BBS12: variants seen among roughly 807,000 people sequenced by gnomAD.
The protein encoded by BBS12 is chaperonin-containing T-complex member BBS12.
A neutral mutation model predicts 5.6 loss-of-function variants in BBS12; 5 were observed. The observed-to-expected ratio is 0.89, with a 90% CI of 0.46 to 1.86. BBS12 has a LOEUF of 1.86. Ranked by LOEUF, BBS12 falls within the 40% of genes most tolerant of loss-of-function variation. The pLI, the probability that BBS12 is intolerant of heterozygous loss-of-function variation, is 0.01. For missense variants in BBS12, 748 were observed against 830.4 expected (o/e 0.90, Z 1.22); for synonymous variants, 308 against 306.8 (o/e 1.00, Z -0.04).
the BBS12 span, among the ~76,000 whole-genome samples, chr4:122,704,116 C>T: frequency 6.6e-6 from 1 of 152,194 alleles, no homozygotes; most frequent in Non-Finnish European, 1.5e-5. Context: ...TACCAAAGTG[C>T]TGGGATTACA....
the BBS12 span, among the ~76,000 whole-genome samples, chr4:122,714,629 AAT>A: frequency 1.3e-5 from 2 of 151,588 alleles, no homozygotes; most frequent in African/African-American, 4.8e-5. Context: ...AATAAATATA[AAT>A]ATATATAAAT....
intron 1 of BBS12, among the ~76,000 whole-genome samples, chr4:122,739,674 G>A (rs536339708): frequency 6.6e-6 from 1 of 152,370 alleles, no homozygotes; most frequent in South Asian, 2.1e-4. Flanking sequence ...AGCCCATGTA[G>A]ACAGCTTCGG....
At position 122,744,144 on chromosome 4, in the gene BBS12, GA is replaced by G; in HGVS notation, c.*120del. 1 of 1,033,500 alleles carries G rather than the reference GA, an allele frequency of 9.7e-7. No homozygotes were observed. The highest frequency in any genetic ancestry group is 1.4e-5 in the South Asian group (1 of 71,288). 64.0% of individuals were successfully genotyped at this position (1,033,500 alleles called of 1,614,324 possible). A position where few individuals can be genotyped will look rare whatever the true frequency, so the allele number is the denominator to read the frequency against. On this transcript the variant is annotated 3_prime_UTR_variant, in exon 2 of 2. Transcript: ENST00000314218. ...AGCTATTGCCAAGAAGAAAATAGTT[GA>G]TGTCTGTCAATAACTGTGCATGGTC...
chr4:122,718,762 A>ATG, the BBS12 span, among the ~76,000 whole-genome samples: 1 of 151,250 alleles, frequency 6.6e-6, no homozygotes, highest in Non-Finnish European at 1.5e-5. Flanking sequence ...ATGAAATGAA[A>ATG]AAGGTCATCC....
intron 1 of BBS12, among the ~76,000 whole-genome samples, chr4:122,740,287 T>C (rs1262120122): frequency 4.6e-5 from 7 of 152,064 alleles, no homozygotes; most frequent in Non-Finnish European, 1.0e-4. Flanking sequence ...ATAAAAAGAA[T>C]GCTAATCATT....
chr4:122,714,245 G>T, the BBS12 span, among the ~76,000 whole-genome samples: 13 of 152,034 alleles, frequency 8.6e-5, no homozygotes, highest in African/African-American at 3.1e-4. Context: ...CGGCAAAAGG[G>T]GCCTCACCAG....
the BBS12 span, among the ~76,000 whole-genome samples, chr4:122,722,442 A>G: frequency 2.0e-4 from 31 of 152,374 alleles, no homozygotes; most frequent in Admixed American, 2.0e-3. Context: ...ACACAAAAAC[A>G]CAAGCTAGGA....
At chr4:122,726,617 T>C in the BBS12 span, among the ~76,000 whole-genome samples, 1 of 152,272 alleles carries the variant, frequency 6.6e-6, no homozygotes, top group East Asian at 1.9e-4. Context: ...TACTTGCATA[T>C]CCATGTTTAT....
chr4:122,718,967 C>T, the BBS12 span, among the ~76,000 whole-genome samples: 1 of 151,746 alleles, frequency 6.6e-6, no homozygotes, highest in African/African-American at 2.4e-5. Flanking sequence ...CTACAGGCGC[C>T]CACCACCATG....
chr4:122,705,665 T>C, the BBS12 span, among the ~76,000 whole-genome samples: 1 of 152,216 alleles, frequency 6.6e-6, no homozygotes, highest in Non-Finnish European at 1.5e-5. Context: ...AGAAAATGTA[T>C]CTACACTCTC....
At chr4:122,709,588 A>G in the BBS12 span, among the ~76,000 whole-genome samples, 57,198 of 152,030 alleles carry the variant, frequency 0.38, 11,154 homozygotes, top group East Asian at 0.65. Flanking sequence ...AAGTGTCTCA[A>G]TTTAATTGCT....
In BBS12 at chr4:122,740,825, G is replaced by A. The variant is rs538374237; in HGVS notation, c.-10-1058G>A. On this transcript the variant is annotated intron_variant, in intron 1 of 1. Coordinates refer to ENST00000314218, the MANE Select transcript of BBS12 (RefSeq NM_152618.3). ...ATTAAAACAAGAACTCATAAAACAT[G>A]GTGCCAGACATTGTTCTAAGTACTA... 2.0e-5 allele frequency among the ~76,000 whole-genome samples: 3 copies of A among 152,198 alleles called. No homozygotes were observed. In the South Asian group the frequency reaches 6.2e-4, roughly 32 times the overall value.
Position 122,743,781 on chromosome 4 carries a change from G to A in BBS12, c.1889G>A (p.Gly630Asp), listed in dbSNP as rs765915863. The change falls in exon 2 of 2, where the codon GGC becomes GAC. Residue 630 changes from glycine (G) to aspartate (D), a missense_variant. Physicochemically the swap from Gly to Asp is moderately conservative, Grantham distance 94. Coordinates refer to ENST00000314218, the MANE Select transcript of BBS12 (RefSeq NM_152618.3). ...CATCTGCAAAATGCCACAGACTCTG[G>A]CTCTCCTTCATCTTACATCTTGAAT... ...QHHLQNATDS[G>D]SPSSYILNEY... 6.2e-7 allele frequency: 1 copy of A among 1,614,000 alleles called. No individual in the cohort carries two copies. Among genetic ancestry groups the A allele is most frequent in the Non-Finnish European group, 8.5e-7 (1 of 1,179,980 alleles).
chr4:122,724,818 A>G, the BBS12 span, among the ~76,000 whole-genome samples: 2 of 152,184 alleles, frequency 1.3e-5, no homozygotes, highest in East Asian at 1.9e-4. Context: ...AATTGGGTAT[A>G]CAAGAAGTTA....
chr4:122,727,943 A>T (rs149927431), upstream of BBS12, among the ~76,000 whole-genome samples: 210 of 152,298 alleles, frequency 1.4e-3, 2 homozygotes, highest in East Asian at 0.031. Flanking sequence ...ACATGTGAAA[A>T]AACACTCAAT....
the BBS12 span, among the ~76,000 whole-genome samples, chr4:122,708,401 C>G: frequency 6.6e-6 from 1 of 152,074 alleles, no homozygotes; most frequent in Non-Finnish European, 1.5e-5. Flanking sequence ...CAGGTACAGG[C>G]CAAAATCCCC....
At chr4:122,713,075 A>G in the BBS12 span, among the ~76,000 whole-genome samples, 1 of 152,174 alleles carries the variant, frequency 6.6e-6, no homozygotes, top group Non-Finnish European at 1.5e-5. Context: ...GCAGTTACCA[A>G]TCATAGTGAT....
At chr4:122,729,665 C>T (rs1340183110), upstream of BBS12, 1 of 152,078 alleles carries the variant, frequency 6.6e-6, no homozygotes, top group African/African-American at 2.4e-5. Context: ...CATAAAATCT[C>T]GGCCAGGCAC....
rs528175399 is a variant in BBS12, at chr4:122,742,226, A to G, written c.334A>G (p.Ile112Val). ...CLHLGVPISI[I>V]VSVMSEGLNF... is the part of the protein sequence containing the mutation. Reference sequence around the variant, plus strand: ...TCATCTTGGTGTCCCCATTTCCATAATAGTATCAGTAATGTCAGAAGGCTT... The same window carrying G: ...TCATCTTGGTGTCCCCATTTCCATAGTAGTATCAGTAATGTCAGAAGGCTT... The change falls in exon 2 of 2, where the codon ATA (isoleucine) becomes GTA (valine). Residue 112 changes from isoleucine (I) to valine (V), a missense_variant. Ile to Val is a conservative substitution (Grantham distance 29). Coordinates refer to ENST00000314218, the MANE Select transcript of BBS12 (RefSeq NM_152618.3). The G allele has an allele frequency of 1.2e-6, 2 of 1,613,892 alleles. No homozygotes were observed. The highest frequency in any genetic ancestry group is 3.3e-5 in the Admixed American group (2 of 60,034).
Sources: allele counts gnomAD v4.1 joint callset (sites outside exome capture counted in the v4.1 genomes callset), GRCh38; gene constraint gnomAD v4.1.1; transcripts MANE v1.5; gene names NCBI Gene and HGNC (gene_info 2026-07-23, HGNC 2026-07-21).